The following CELF4 variants were observed in gnomAD, a reference collection of about 807,000 sequenced individuals.
The protein encoded by CELF4 is CUG-BP- and ETR-3-like factor 4.
CELF4 carries 18 observed loss-of-function variants against 59.9 expected under a neutral mutation model. The ratio of observed to expected loss-of-function variants is 0.30; its 90% CI spans 0.21 to 0.45. The LOEUF (loss-of-function observed/expected upper bound fraction) is 0.45. Ranked by LOEUF, CELF4 falls within the 20% of genes least tolerant of loss-of-function variation. The probability of loss-of-function intolerance (pLI) is 1.00; values close to 1 mark genes in which losing one functional copy is unlikely to be tolerated. For missense variants in CELF4, 456 were observed against 689.0 expected (o/e 0.66, Z 3.79); for synonymous variants, 261 against 267.1 (o/e 0.98, Z 0.22).
chr18:37,489,124 C>A (rs2099890611), intron 1 of CELF4, among the ~76,000 whole-genome samples: 1 of 152,226 alleles, frequency 6.6e-6, no homozygotes, highest in African/African-American at 2.4e-5. Context: ...GATATAGAGG[C>A]TAACTGGGGC....
In CELF4 at chr18:37,296,241, T is replaced by C. The variant is rs547991143; in HGVS notation, c.449-20998A>G. Among the ~76,000 whole-genome samples, 5 of 152,350 alleles carry C rather than the reference T, an allele frequency of 3.3e-5. No individual in the cohort carries two copies. In the South Asian group the frequency reaches 1.0e-3, roughly 32 times the overall value. The stretch of plus-strand genomic sequence containing the variant: ...CACTTTCATGGCTTACTGCAGCCTC[T>C]GCCTTCCAGGCTCAAGCCATCCTCC... On this transcript the variant is annotated intron_variant, in intron 3 of 12. Transcript: ENST00000420428.
intron 2 of CELF4, among the ~76,000 whole-genome samples, chr18:37,455,602 C>T (rs2099775996): frequency 6.6e-6 from 1 of 152,188 alleles, no homozygotes; most frequent in Non-Finnish European, 1.5e-5. Flanking sequence ...AGCCCTGTGA[C>T]ATCAGGGCTG....
chr18:37,557,997 CTTTT>C (rs34181233), intron 1 of CELF4, among the ~76,000 whole-genome samples: 14 of 100,768 alleles, frequency 1.4e-4, no homozygotes, highest in Admixed American at 9.3e-4. Flanking sequence ...ATCCCTTTTA[CTTTT>C]TTTTTTTTTT....
chr18:37,258,420 T>C (rs928886092), intron 11 of CELF4, among the ~76,000 whole-genome samples: 1 of 152,156 alleles, frequency 6.6e-6, no homozygotes, highest in East Asian at 1.9e-4. Context: ...TGTGTATTTA[T>C]ATCCATCTGC....
chr18:37,454,019 G>GC (rs1466488228), intron 2 of CELF4, among the ~76,000 whole-genome samples: 2 of 151,984 alleles, frequency 1.3e-5, no homozygotes, highest in Non-Finnish European at 2.9e-5. Context: ...GGACTGAGCT[G>GC]CCTTCTCCAA....
At chr18:37,273,299 G>A in intron 6 of CELF4, 136 bp from the exon 7 acceptor site, 1 of 1,440,646 alleles carries the variant, frequency 6.9e-7, no homozygotes, top group Non-Finnish European at 9.2e-7. Context: ...AGAAAGCCCT[G>A]ATGCCTCTCC....
At chr18:37,416,152 C>T (rs1340989568) in intron 2 of CELF4, among the ~76,000 whole-genome samples, 1 of 152,002 alleles carries the variant, frequency 6.6e-6, no homozygotes, top group Non-Finnish European at 1.5e-5. Context: ...AGGCAGAGCC[C>T]AGTGGTCCCT....
intron 3 of CELF4, among the ~76,000 whole-genome samples, chr18:37,311,208 A>T (rs148363198): frequency 1.3e-3 from 196 of 152,312 alleles, no homozygotes; most frequent in African/African-American, 4.5e-3. Flanking sequence ...ACAGCTGAAA[A>T]TCTAAAGTCC....
chr18:37,390,414 G>T (rs1466298876), intron 2 of CELF4, among the ~76,000 whole-genome samples: 1 of 152,146 alleles, frequency 6.6e-6, no homozygotes, highest in African/African-American at 2.4e-5. Context: ...GTGCATGTGG[G>T]TCTCCTCACT....
intron 2 of CELF4, among the ~76,000 whole-genome samples, chr18:37,435,149 G>C (rs879921546): frequency 6.6e-6 from 1 of 152,036 alleles, no homozygotes; most frequent in Non-Finnish European, 1.5e-5. Context: ...CCACTTCCTA[G>C]GACTCACTAC....
At chr18:37,557,185 A>G (rs1326970370) in intron 1 of CELF4, among the ~76,000 whole-genome samples, 3 of 152,212 alleles carry the variant, frequency 2.0e-5, no homozygotes, top group African/African-American at 7.2e-5. Context: ...TGATCCCACA[A>G]TATTTATGTG....
chr18:37,479,598 C>T (rs114399814), intron 2 of CELF4, among the ~76,000 whole-genome samples: 15 of 152,250 alleles, frequency 9.9e-5, no homozygotes, highest in African/African-American at 3.6e-4. Flanking sequence ...CATCCATTCT[C>T]CCAAAGAGAA....
rs144402822 is a variant in CELF4, at chr18:37,398,804, C to T, written c.370-76923G>A. ...CGAGATCGCACCATGGACCCAGCCA[C>T]CTTGGACAAATCCCTTCTCCTGCCA... is the stretch of plus-strand genomic sequence containing the variant. On this transcript the variant is annotated intron_variant, in intron 2 of 12. Transcript: ENST00000420428. 7.6e-3 allele frequency among the ~76,000 whole-genome samples: 1,150 copies of T among 152,258 alleles called. 18 individuals are homozygous for T. The highest frequency in any genetic ancestry group is 0.026 in the African/African-American group (1,090 of 41,550).
intron 3 of CELF4, among the ~76,000 whole-genome samples, chr18:37,314,282 A>T (rs2096781759): frequency 1.3e-5 from 2 of 152,194 alleles, no homozygotes; most frequent in South Asian, 4.1e-4. Context: ...CTCTGTATCT[A>T]CTAAAAATAC....
At chr18:37,406,390 C>A (rs1020992812) in intron 2 of CELF4, among the ~76,000 whole-genome samples, 1 of 152,110 alleles carries the variant, frequency 6.6e-6, no homozygotes, top group Admixed American at 6.5e-5. Flanking sequence ...ATGCCTTCTA[C>A]GGGAAAGGTC....
chr18:37,521,216 T>G (rs528049074), intron 1 of CELF4, among the ~76,000 whole-genome samples: 1 of 152,292 alleles, frequency 6.6e-6, no homozygotes, highest in Admixed American at 6.5e-5. Flanking sequence ...GAGTTGGCAC[T>G]GCTGATCTCT....
At chr18:37,433,768 T>C (rs2099679057) in intron 2 of CELF4, among the ~76,000 whole-genome samples, 1 of 152,016 alleles carries the variant, frequency 6.6e-6, no homozygotes, top group Non-Finnish European at 1.5e-5. Context: ...GGTCTCTAAG[T>C]CTTCACGATT....
At chr18:37,337,421 C>G (rs1379643000) in intron 2 of CELF4, among the ~76,000 whole-genome samples, 6 of 152,216 alleles carry the variant, frequency 3.9e-5, no homozygotes, top group Non-Finnish European at 8.8e-5. Flanking sequence ...GGCTCTCTAG[C>G]TAGGACCCTC....
At chr18:37,539,754 C>T (rs1397678854) in intron 1 of CELF4, among the ~76,000 whole-genome samples, 2 of 152,252 alleles carry the variant, frequency 1.3e-5, no homozygotes, top group South Asian at 2.1e-4. Flanking sequence ...GAACCCTGGG[C>T]ATGTGGCTAG....
Sources: gnomAD v4.1 joint callset for allele counts (sites outside exome capture counted in the v4.1 genomes callset) on GRCh38, gnomAD v4.1.1 for gene constraint, MANE v1.5 for transcripts, NCBI Gene and HGNC (gene_info 2026-07-23, HGNC 2026-07-21) for gene names.